ARHGEF3: variants seen among roughly 807,000 people sequenced by gnomAD.
ARHGEF3 encodes the protein 59.8 kDA protein.
In ARHGEF3, 28 loss-of-function variants were observed where a neutral mutation model predicts 63.2. The ratio of observed to expected loss-of-function variants is 0.44; its 90% CI spans 0.33 to 0.61. The LOEUF (loss-of-function observed/expected upper bound fraction) is 0.61, where lower values mean the gene tolerates loss of function less well. Among genes scored for constraint, ARHGEF3 ranks in the 20% least tolerant of loss-of-function variants. The probability of loss-of-function intolerance (pLI) is 0.03; values close to 1 mark genes in which losing one functional copy is unlikely to be tolerated. For synonymous variants in ARHGEF3, 266 were observed against 254.2 expected, an observed-to-expected ratio of 1.05 and a Z score of -0.44; for missense variants, 533 against 659.3, an observed-to-expected ratio of 0.81 and a Z score of 2.10.
intron 4 of ARHGEF3, among the ~76,000 whole-genome samples, chr3:56,840,701 T>C (rs1039381): frequency 0.19 from 29,096 of 152,114 alleles, 3,664 homozygotes; most frequent in East Asian, 0.52. Flanking sequence ...AGAAGACAAA[T>C]CTTATTCCTG....
At chr3:56,908,965 G>A (rs543037621) in intron 3 of ARHGEF3, among the ~76,000 whole-genome samples, 10 of 152,222 alleles carry the variant, frequency 6.6e-5, no homozygotes, top group African/African-American at 2.2e-4. Flanking sequence ...ATGCAAACAA[G>A]GTATCATCAA....
chr3:56,986,755 C>G (rs1276050127), intron 2 of ARHGEF3, among the ~76,000 whole-genome samples: 1 of 147,190 alleles, frequency 6.8e-6, no homozygotes, highest in Non-Finnish European at 1.5e-5. Flanking sequence ...GGGGAGGAGA[C>G]AGTAGGTAGG....
intron 4 of ARHGEF3, among the ~76,000 whole-genome samples, chr3:56,821,975 G>T (rs1297052299): frequency 3.5e-5 from 2 of 57,198 alleles, no homozygotes; most frequent in African/African-American, 8.0e-5. Context: ...GAAGAGAAGA[G>T]AAGAGAAGAG....
intron 4 of ARHGEF3, among the ~76,000 whole-genome samples, chr3:56,816,817 G>A (rs960646405): frequency 1.1e-4 from 17 of 152,236 alleles, no homozygotes; most frequent in African/African-American, 3.9e-4. Flanking sequence ...TTCTGAAGCG[G>A]AACGTTAATT....
At chr3:57,042,832 G>A (rs1579154432) in intron 1 of ARHGEF3, among the ~76,000 whole-genome samples, 3 of 149,840 alleles carry the variant, frequency 2.0e-5, no homozygotes, top group South Asian at 4.3e-4. Flanking sequence ...AAGTACCTGG[G>A]ACTACAGGCG....
At chr3:56,775,800 GCACACACA>G (rs146595496) in intron 1 of ARHGEF3, 8 of 213,730 alleles carry the variant, frequency 3.7e-5, no homozygotes, top group Non-Finnish European at 6.3e-5. Context: ...ACACGCGCAA[GCACACACA>G]CACACACACA....
rs550599266 is a variant in ARHGEF3 at position 57,047,179 on chromosome 3, C to G, written c.-27-12003G>C. ...TCTGGCCAACATGGTGAAACCCCGT[C>G]TCCACTAAAACTACAAAAATTAGCT... is the stretch of plus-strand genomic sequence containing the variant. On this transcript the variant is annotated intron_variant, in intron 1 of 12. Transcript: ENST00000338458. Among the ~76,000 whole-genome samples, 7 of 152,240 alleles carry G rather than the reference C, an allele frequency of 4.6e-5. No individual in the cohort carries two copies. In the East Asian group the frequency reaches 9.7e-4, roughly 21 times the overall value.
At chr3:56,805,391 C>T (rs776750554), upstream of ARHGEF3, among the ~76,000 whole-genome samples, 2 of 152,142 alleles carry the variant, frequency 1.3e-5, no homozygotes, top group African/African-American at 4.8e-5. Flanking sequence ...CACGTCACCA[C>T]GCCCAGCTAA....
chr3:56,996,884 A>ATT (rs1197687007), intron 2 of ARHGEF3, among the ~76,000 whole-genome samples: 7 of 105,922 alleles, frequency 6.6e-5, no homozygotes, highest in African/African-American at 2.2e-4. Context: ...TATTATTATT[A>ATT]TTATTATTTT....
intron 2 of ARHGEF3, among the ~76,000 whole-genome samples, chr3:56,762,159 C>G (rs929064526): frequency 3.9e-5 from 6 of 152,102 alleles, no homozygotes; most frequent in Admixed American, 3.3e-4. Context: ...AAACGCCAGT[C>G]CACGGTAACT....
At chr3:56,850,843 A>C (rs1210933231) in intron 4 of ARHGEF3, among the ~76,000 whole-genome samples, 1 of 152,184 alleles carries the variant, frequency 6.6e-6, no homozygotes, top group Non-Finnish European at 1.5e-5. Flanking sequence ...AAATACTTTA[A>C]AAATATTAAC....
At chr3:56,955,880 C>T (rs1322351765) in intron 3 of ARHGEF3, among the ~76,000 whole-genome samples, 2 of 152,204 alleles carry the variant, frequency 1.3e-5, no homozygotes, top group African/African-American at 4.8e-5. Context: ...CCCCAATCCC[C>T]GACCATGTCA....
chr3:56,999,826 G>T (rs1282440722), intron 2 of ARHGEF3, among the ~76,000 whole-genome samples: 1 of 152,132 alleles, frequency 6.6e-6, no homozygotes. Context: ...TGCTCATATT[G>T]CCCTTCCTCT....
At chr3:56,911,248 G>T (rs552363221) in intron 3 of ARHGEF3, among the ~76,000 whole-genome samples, 4 of 152,264 alleles carry the variant, frequency 2.6e-5, no homozygotes, top group African/African-American at 9.6e-5. Flanking sequence ...GCACTGCAAG[G>T]AAGACTTGGA....
chr3:56,964,009 G>A (rs1700386162), intron 2 of ARHGEF3, among the ~76,000 whole-genome samples: 1 of 152,104 alleles, frequency 6.6e-6, no homozygotes, highest in Admixed American at 6.6e-5. Flanking sequence ...TTCTACTCAT[G>A]CCATGGCTGC....
At chr3:57,049,865 G>A (rs1271423818) in intron 1 of ARHGEF3, among the ~76,000 whole-genome samples, 10 of 152,154 alleles carry the variant, frequency 6.6e-5, no homozygotes, top group Admixed American at 5.9e-4. Flanking sequence ...GTCCACATTC[G>A]CAGGACCCTG....
intron 1 of ARHGEF3, among the ~76,000 whole-genome samples, chr3:57,041,144 C>T (rs566349717): frequency 2.6e-5 from 4 of 152,318 alleles, no homozygotes; most frequent in Admixed American, 6.5e-5. Context: ...CAAGGTCTTG[C>T]ACATTCCATT....
chr3:56,801,662 C>CA, intron 1 of ARHGEF3, 41 bp downstream of exon 1: 1 of 1,546,214 alleles, frequency 6.5e-7, no homozygotes, highest in Non-Finnish European at 8.7e-7. Context: ...ACGAGACAGG[C>CA]AGATGACCCA....
At chr3:56,865,638 G>C (rs750376433) in intron 4 of ARHGEF3, among the ~76,000 whole-genome samples, 5 of 152,170 alleles carry the variant, frequency 3.3e-5, no homozygotes, top group Admixed American at 6.5e-5. Context: ...GGCTAGTGAG[G>C]TGTGATCTGT....
Sources: gnomAD v4.1 joint callset for allele counts (sites outside exome capture counted in the v4.1 genomes callset) on GRCh38, gnomAD v4.1.1 for gene constraint, MANE v1.5 for transcripts, NCBI Gene and HGNC (gene_info 2026-07-23, HGNC 2026-07-21) for gene names.